The following EPB41L2 variants were observed in gnomAD, a reference collection of about 807,000 sequenced individuals.
The protein encoded by EPB41L2 is erythrocyte membrane protein band 4.1 like 2, also known as band 4.1-like protein 2.
In EPB41L2, 43 loss-of-function variants were observed where a neutral mutation model predicts 113.0. That is an observed-to-expected ratio of 0.38 (90% confidence interval 0.30 to 0.49). The LOEUF is 0.49. EPB41L2 is among the 20% of genes least tolerant of loss of function. The pLI is 0.95. For synonymous variants in EPB41L2, 442 were observed against 436.7 expected (o/e 1.01, Z -0.15); for missense variants, 1,147 against 1,223.4 (o/e 0.94, Z 0.93).
At chr6:130,993,323 G>A (rs962293025) in intron 1 of EPB41L2, among the ~76,000 whole-genome samples, 5 of 151,992 alleles carry the variant, frequency 3.3e-5, no homozygotes, top group African/African-American at 9.7e-5. Flanking sequence ...CTTGTCCCAG[G>A]GAAATTAGGT....
chr6:130,862,892 A>C (rs1427455508), intron 18 of EPB41L2, among the ~76,000 whole-genome samples: 1 of 152,170 alleles, frequency 6.6e-6, no homozygotes, highest in Non-Finnish European at 1.5e-5. Flanking sequence ...AGTCAATTGA[A>C]TATTTCTTTT....
chr6:130,866,657 G>A (rs1377925887), intron 16 of EPB41L2, among the ~76,000 whole-genome samples: 1 of 152,080 alleles, frequency 6.6e-6, no homozygotes, highest in Non-Finnish European at 1.5e-5. Flanking sequence ...TATTCTGAGA[G>A]GTCAATAACC....
chr6:131,040,057 T>C (rs72987859), intron 1 of EPB41L2, among the ~76,000 whole-genome samples: 9,028 of 152,288 alleles, frequency 0.059, 399 homozygotes, highest in Admixed American at 0.097. Context: ...TTTTAGGGTA[T>C]AGAGTGTTAA....
intron 12 of EPB41L2, among the ~76,000 whole-genome samples, chr6:130,884,588 C>T (rs559267457): frequency 2.6e-5 from 4 of 152,298 alleles, no homozygotes; most frequent in African/African-American, 4.8e-5. Flanking sequence ...CCATGGTGTA[C>T]GCACAAGATA....
At chr6:131,037,671 C>T (rs1356820019) in intron 1 of EPB41L2, among the ~76,000 whole-genome samples, 1 of 148,900 alleles carries the variant, frequency 6.7e-6, no homozygotes, top group Non-Finnish European at 1.5e-5. Flanking sequence ...TCACTGCAAC[C>T]TCCACTTCCT....
At chr6:130,955,045 T>A (rs1170184265) in intron 3 of EPB41L2, 60 bp downstream of exon 3, 3 of 1,459,790 alleles carry the variant, frequency 2.1e-6, no homozygotes, top group East Asian at 4.6e-5. Flanking sequence ...AAAAATCTAT[T>A]CATCATGCCA....
intron 10 of EPB41L2, among the ~76,000 whole-genome samples, chr6:130,891,213 A>G (rs73617111): frequency 0.017 from 2,628 of 152,318 alleles, 84 homozygotes; most frequent in African/African-American, 0.059. Flanking sequence ...AAAAACATGA[A>G]GAATTCCACC....
At chr6:130,922,475 T>C (rs938211658) in intron 4 of EPB41L2, among the ~76,000 whole-genome samples, 5 of 152,210 alleles carry the variant, frequency 3.3e-5, no homozygotes, top group Admixed American at 6.5e-5. Flanking sequence ...CTGTTGGCAT[T>C]TTCCTTAAAA....
chr6:130,976,430 C>T (rs756196846), intron 1 of EPB41L2, among the ~76,000 whole-genome samples: 1 of 152,088 alleles, frequency 6.6e-6, no homozygotes, highest in Non-Finnish European at 1.5e-5. Flanking sequence ...CAATGTTAGA[C>T]TCATATGTTC....
chr6:131,032,440 T>C (rs369273456), intron 1 of EPB41L2, among the ~76,000 whole-genome samples: 8 of 152,150 alleles, frequency 5.3e-5, no homozygotes, highest in African/African-American at 1.7e-4. Flanking sequence ...AGTATCTCAG[T>C]GGGCCAAAGT....
At chr6:130,907,408 G>A (rs543808356) in intron 5 of EPB41L2, among the ~76,000 whole-genome samples, 1 of 152,228 alleles carries the variant, frequency 6.6e-6, no homozygotes, top group South Asian at 2.1e-4. Context: ...ATAAATGGAT[G>A]AAACACCAAG....
chr6:131,061,879 T>C (rs1368786512), intron 1 of EPB41L2, among the ~76,000 whole-genome samples: 1 of 152,146 alleles, frequency 6.6e-6, no homozygotes, highest in Non-Finnish European at 1.5e-5. Flanking sequence ...GAAAGTCGTT[T>C]TTTTAAAACA....
chr6:130,967,687 A>C (rs1775652315), intron 1 of EPB41L2, among the ~76,000 whole-genome samples: 1 of 152,182 alleles, frequency 6.6e-6, no homozygotes, highest in Non-Finnish European at 1.5e-5. Flanking sequence ...ATTGGCCTGA[A>C]AGCACAAGCT....
At chr6:130,877,984 CATAAAA>C in intron 14 of EPB41L2, 114 bp downstream of exon 14, 1 of 1,027,376 alleles carries the variant, frequency 9.7e-7, no homozygotes, top group African/African-American at 1.7e-5. Flanking sequence ...TTAGTAATTA[CATAAAA>C]ATAATTAAAT....
chr6:130,892,207 T>A (rs926502061), intron 10 of EPB41L2, among the ~76,000 whole-genome samples: 1 of 151,934 alleles, frequency 6.6e-6, no homozygotes, highest in Non-Finnish European at 1.5e-5. Flanking sequence ...AATACAGGTG[T>A]CAGAATCAGG....
chr6:130,986,714 T>C (rs4897478), intron 1 of EPB41L2, among the ~76,000 whole-genome samples: 42,406 of 151,824 alleles, frequency 0.28, 7,032 homozygotes, highest in Non-Finnish European at 0.37. Flanking sequence ...GCCTCCCGAG[T>C]AGCTGAGATT....
intron 16 of EPB41L2, 77 bp from the exon 17 acceptor site, chr6:130,865,711 G>T: frequency 1.5e-6 from 2 of 1,377,074 alleles, no homozygotes; most frequent in Non-Finnish European, 1.0e-6. Context: ...CCGCCCCATC[G>T]AATATGCATC....
intron 1 of EPB41L2, among the ~76,000 whole-genome samples, chr6:131,055,010 T>C (rs1304262817): frequency 6.6e-6 from 1 of 152,206 alleles, no homozygotes; most frequent in African/African-American, 2.4e-5. Flanking sequence ...GTCTGTCAGT[T>C]TGCCAACATT....
chr6:131,021,043 C>T (rs1470148996), intron 1 of EPB41L2, among the ~76,000 whole-genome samples: 2 of 152,064 alleles, frequency 1.3e-5, no homozygotes, highest in East Asian at 1.9e-4. Flanking sequence ...AGTGATCCTT[C>T]TGCCTTGGCC....
Sources: allele counts gnomAD v4.1 joint callset (sites outside exome capture counted in the v4.1 genomes callset), GRCh38; gene constraint gnomAD v4.1.1; transcripts MANE v1.5; gene names NCBI Gene and HGNC (gene_info 2026-07-23, HGNC 2026-07-21).